UGT1A10: variants seen among roughly 807,000 people sequenced by gnomAD.
The protein encoded by UGT1A10 is UDP glucuronosyltransferase family 1 member A10, also known as UDP-glucuronosyltransferase 1A10.
UGT1A10 carries 49 observed loss-of-function variants against 45.8 expected under a neutral mutation model. The observed-to-expected ratio is 1.07, with a 90% CI of 0.85 to 1.36. The LOEUF (loss-of-function observed/expected upper bound fraction) is 1.36, where lower values mean the gene tolerates loss of function less well. UGT1A10 is among the 40% of genes most tolerant of loss of function. The pLI, the probability that UGT1A10 is intolerant of heterozygous loss-of-function variation, is 0.00. For missense variants in UGT1A10, 745 were observed against 668.6 expected (o/e 1.11, Z -1.26); for synonymous variants, 284 against 249.7 (o/e 1.14, Z -1.29).
intron 4 of UGT1A10, 57 bp from the exon 5 acceptor site, chr2:233,772,205 A>T: frequency 6.2e-7 from 1 of 1,608,796 alleles, no homozygotes; most frequent in Non-Finnish European, 8.5e-7. Flanking sequence ...GAGCATAAAG[A>T]GAGGATTGTT....
intron 1 of UGT1A10, among the ~76,000 whole-genome samples, chr2:233,694,899 T>G (rs2075247307): frequency 6.6e-6 from 1 of 152,242 alleles, no homozygotes; most frequent in Non-Finnish European, 1.5e-5. Context: ...TGTGATATTT[T>G]GATACACGTA....
At chr2:233,758,929 A>C (rs1287701238) in intron 1 of UGT1A10, among the ~76,000 whole-genome samples, 2 of 152,152 alleles carry the variant, frequency 1.3e-5, no homozygotes, top group Non-Finnish European at 2.9e-5. Context: ...TTCCCTTTTG[A>C]CTTCAAATCA....
chr2:233,637,723 C>T (rs1486945110), intron 1 of UGT1A10, among the ~76,000 whole-genome samples: 1 of 152,070 alleles, frequency 6.6e-6, no homozygotes, highest in East Asian at 1.9e-4. Flanking sequence ...GTTTTGTGTA[C>T]ATTCTTTTCA....
intron 1 of UGT1A10, chr2:233,747,341 C>T: frequency 6.2e-7 from 1 of 1,603,526 alleles, no homozygotes; most frequent in Non-Finnish European, 8.5e-7. Flanking sequence ...CACTGGCTCG[C>T]ATGCGGGAGG....
At chr2:233,724,280 G>GT (rs2077205183) in intron 1 of UGT1A10, among the ~76,000 whole-genome samples, 4 of 139,636 alleles carry the variant, frequency 2.9e-5, no homozygotes, top group Admixed American at 7.0e-5. Context: ...GGCTGGCCGG[G>GT]CGGGGGGCTG....
intron 1 of UGT1A10, chr2:233,743,882 C>A: frequency 2.9e-6 from 4 of 1,367,088 alleles, no homozygotes; most frequent in Non-Finnish European, 3.9e-6. Flanking sequence ...TGAGGCCTGC[C>A]GGGGCACGTC....
chr2:233,677,477 A>G (rs1284414963), intron 1 of UGT1A10, among the ~76,000 whole-genome samples: 1 of 152,206 alleles, frequency 6.6e-6, no homozygotes, highest in Non-Finnish European at 1.5e-5. Flanking sequence ...CAGTCAATTA[A>G]CACATAGTTT....
intron 1 of UGT1A10, among the ~76,000 whole-genome samples, chr2:233,643,953 C>T (rs1489143187): frequency 6.6e-6 from 1 of 152,190 alleles, no homozygotes; most frequent in Admixed American, 6.5e-5. Context: ...ACTTTTCCCT[C>T]TCCTCTCCTC....
At chr2:233,763,222 T>C (rs1031728424) in intron 1 of UGT1A10, among the ~76,000 whole-genome samples, 2 of 152,230 alleles carry the variant, frequency 1.3e-5, no homozygotes, top group African/African-American at 4.8e-5. Context: ...GGTGTGAAAA[T>C]ATGTTTTTAA....
chr2:233,663,263 C>T (rs886423050), intron 1 of UGT1A10, among the ~76,000 whole-genome samples: 2 of 152,154 alleles, frequency 1.3e-5, no homozygotes, highest in East Asian at 1.9e-4. Context: ...CAGAACTAGC[C>T]GTGTGGTAGA....
At chr2:233,682,600 C>A in intron 1 of UGT1A10, 2 of 1,613,880 alleles carry the variant, frequency 1.2e-6, no homozygotes, top group Non-Finnish European at 1.7e-6. Context: ...TATTTTGCCC[C>A]TATTTTTTCA....
intron 1 of UGT1A10, 85 bp from the exon 2 acceptor site, chr2:233,766,949 G>A: frequency 6.2e-7 from 1 of 1,600,626 alleles, no homozygotes. Context: ...GTCTTAAGAG[G>A]AAGATATCTA....
chr2:233,681,590 T>C (rs1338443918), intron 1 of UGT1A10, among the ~76,000 whole-genome samples: 1 of 151,836 alleles, frequency 6.6e-6, no homozygotes, highest in East Asian at 1.9e-4. Context: ...TCCAAAATTA[T>C]TAGCTTCGTT....
intron 1 of UGT1A10, among the ~76,000 whole-genome samples, chr2:233,738,129 C>A (rs546300449): frequency 1.3e-3 from 203 of 152,182 alleles, no homozygotes; most frequent in African/African-American, 4.7e-3. Flanking sequence ...TATAAGGGGC[C>A]CTTATCCCTT....
chr2:233,711,739 C>T (rs1321906009), intron 1 of UGT1A10, among the ~76,000 whole-genome samples: 2 of 152,216 alleles, frequency 1.3e-5, no homozygotes, highest in Non-Finnish European at 2.9e-5. Context: ...ATGGCAGACA[C>T]GGCCAGGCAT....
chr2:233,648,772 A>G (rs1339102041), intron 1 of UGT1A10: 2 of 796,198 alleles, frequency 2.5e-6, no homozygotes, highest in East Asian at 4.3e-5. Context: ...CCTGGATGCC[A>G]TGACTTTTAA....
chr2:233,750,793 G>A (rs996966433), intron 1 of UGT1A10: 7 of 151,906 alleles, frequency 4.6e-5, no homozygotes, highest in African/African-American at 1.7e-4. Flanking sequence ...CAGAAGATAA[G>A]AATTTAGGTT....
rs950198102 is a variant in UGT1A10 at position 233,769,900 on chromosome 2, C to G, written c.1295+1461C>G. ...TGAAAAGTCCACATAACCTGAGCAT[C>G]ATGTGCCCAGAGCGTTGGGTGGTGT... is the stretch of plus-strand genomic sequence containing the variant. On this transcript the variant is annotated intron_variant, in intron 4 of 4. Transcript: ENST00000344644. The surrounding 1 kb of genome is among the most constrained non-coding windows in gnomAD (Gnocchi z 4.4). 3.8e-5 allele frequency: 13 copies of G among 342,836 alleles called. No individual in the cohort carries two copies. The highest frequency in any genetic ancestry group is 6.8e-5 in the Non-Finnish European group (13 of 189,812). 21.2% of individuals were successfully genotyped at this position (342,836 alleles called of 1,614,324 possible). A position where few individuals can be genotyped will look rare whatever the true frequency, so the allele number is the denominator to read the frequency against.
intron 1 of UGT1A10, among the ~76,000 whole-genome samples, chr2:233,661,716 T>G (rs1325928423): frequency 6.8e-6 from 1 of 146,542 alleles, no homozygotes; most frequent in African/African-American, 2.6e-5. Context: ...TTCTTTTTTT[T>G]TTTTTTAATG....
Sources: gnomAD v4.1 joint callset for allele counts (sites outside exome capture counted in the v4.1 genomes callset) on GRCh38, gnomAD v4.1.1 for gene constraint, Gnocchi (gnomAD v3.1) non-coding constraint, MANE v1.5 for transcripts, NCBI Gene and HGNC (gene_info 2026-07-23, HGNC 2026-07-21) for gene names.